The following RARB variants were observed in gnomAD, a reference collection of about 807,000 sequenced individuals.
RARB encodes retinoic acid receptor beta, also known as HBV-activated protein.
RARB carries 17 observed loss-of-function variants against 51.9 expected under a neutral mutation model. The observed-to-expected ratio is 0.33, with a 90% CI of 0.22 to 0.49. RARB has a LOEUF of 0.49. RARB is among the 20% of genes least tolerant of loss of function. The probability of loss-of-function intolerance (pLI) is 0.99; values close to 1 mark genes in which losing one functional copy is unlikely to be tolerated. For synonymous variants in RARB, 215 were observed against 195.4 expected (o/e 1.10, Z -0.84); for missense variants, 369 against 550.8 (o/e 0.67, Z 3.30).
intron 3 of RARB, among the ~76,000 whole-genome samples, chr3:25,525,494 A>G (rs954739637): frequency 6.6e-6 from 1 of 152,188 alleles, no homozygotes; most frequent in African/African-American, 2.4e-5. Flanking sequence ...CTTCGGGCTC[A>G]TGCCTTCATG....
At chr3:25,551,846 A>G (rs1699863678) in intron 3 of RARB, among the ~76,000 whole-genome samples, 1 of 152,202 alleles carries the variant, frequency 6.6e-6, no homozygotes, top group Non-Finnish European at 1.5e-5. Context: ...TTCTCAATCA[A>G]GCCTTCAATC....
chr3:25,304,379 C>G (rs941381326), intron 5 of RARB, among the ~76,000 whole-genome samples: 1 of 152,184 alleles, frequency 6.6e-6, no homozygotes, highest in African/African-American at 2.4e-5. Context: ...GCTGATGATC[C>G]CAAATCTTCC....
intron 5 of RARB, among the ~76,000 whole-genome samples, chr3:25,246,686 T>C (rs547871219): frequency 6.6e-6 from 1 of 152,242 alleles, no homozygotes; most frequent in East Asian, 1.9e-4. Flanking sequence ...TGCTCCTCCC[T>C]CTGGAAGTTT....
chr3:25,140,159 C>T (rs1308456021), intron 4 of RARB, among the ~76,000 whole-genome samples: 1 of 151,892 alleles, frequency 6.6e-6, no homozygotes, highest in Non-Finnish European at 1.5e-5. Flanking sequence ...GAAGTAACTT[C>T]AACTTTTAGG....
At position 25,195,226 on chromosome 3, in the gene RARB, C is replaced by G. The variant is rs543155383; in HGVS notation, c.178+20651C>G. 1.1e-3 allele frequency among the ~76,000 whole-genome samples: 169 copies of G among 151,926 alleles called. 1 individual carries two copies. Among genetic ancestry groups the G allele is most frequent in the Non-Finnish European group, 2.1e-3 (143 of 67,906 alleles). On this transcript the variant is annotated intron_variant, in intron 5 of 11. Transcript: ENST00000383772. ...CCAAACAGTTTCACCTGAAGATATCCATTTCTTGGGAGCCTACCAATTCCT... is the reference window on the plus strand; with the variant it reads ...CCAAACAGTTTCACCTGAAGATATCGATTTCTTGGGAGCCTACCAATTCCT...
At chr3:25,124,830 A>C (rs1283434973) in intron 3 of RARB, among the ~76,000 whole-genome samples, 1 of 152,194 alleles carries the variant, frequency 6.6e-6, no homozygotes, top group African/African-American at 2.4e-5. Flanking sequence ...TGTTGTAGAC[A>C]CTATACCATT....
intron 5 of RARB, among the ~76,000 whole-genome samples, chr3:25,293,596 TTA>T (rs1491457717): frequency 1.3e-4 from 3 of 23,650 alleles, no homozygotes; most frequent in African/African-American, 2.8e-4. Flanking sequence ...GTTACTCCAT[TTA>T]AAAAAAAAAA....
chr3:24,909,396 C>A (rs1172225606), intron 2 of RARB, among the ~76,000 whole-genome samples: 1 of 152,120 alleles, frequency 6.6e-6, no homozygotes, highest in East Asian at 1.9e-4. Context: ...TTGGTGCTCT[C>A]CAGCACATTA....
At chr3:24,897,759 T>G (rs1362495240) in intron 2 of RARB, among the ~76,000 whole-genome samples, 1 of 151,708 alleles carries the variant, frequency 6.6e-6, no homozygotes, top group Non-Finnish European at 1.5e-5. Flanking sequence ...AGGCTTTTTT[T>G]TTTTTTCTTA....
intron 1 of RARB, among the ~76,000 whole-genome samples, chr3:24,829,522 G>C (rs1003143262): frequency 3.3e-5 from 5 of 152,178 alleles, no homozygotes; most frequent in Non-Finnish European, 7.4e-5. Context: ...TGGCATCCAG[G>C]GACCGGCTGC....
intron 2 of RARB, among the ~76,000 whole-genome samples, chr3:25,479,190 T>C: frequency 6.6e-6 from 1 of 152,202 alleles, no homozygotes. Flanking sequence ...ATGTGAATTT[T>C]CGTGAAGTAC....
intron 1 of RARB, among the ~76,000 whole-genome samples, chr3:25,440,767 C>T (rs1007551907): frequency 2.0e-5 from 3 of 151,674 alleles, no homozygotes; most frequent in African/African-American, 7.3e-5. Flanking sequence ...AGTAAGACAC[C>T]GTCCCCCCCA....
chr3:25,317,607 A>C (rs1005115646), intron 5 of RARB, among the ~76,000 whole-genome samples: 4 of 152,170 alleles, frequency 2.6e-5, no homozygotes, highest in Non-Finnish European at 4.4e-5. Flanking sequence ...ATCCATGACT[A>C]AGTGGAAGGA....
At chr3:25,585,598 C>G (rs190531630) in intron 5 of RARB, among the ~76,000 whole-genome samples, 3 of 152,314 alleles carry the variant, frequency 2.0e-5, no homozygotes, top group African/African-American at 7.2e-5. Flanking sequence ...GCCCCGTGGG[C>G]AAATGATGGG....
intron 3 of RARB, among the ~76,000 whole-genome samples, chr3:25,523,729 C>G (rs1053178146): frequency 1.3e-5 from 2 of 152,170 alleles, no homozygotes; most frequent in African/African-American, 2.4e-5. Flanking sequence ...AAATAGCTTT[C>G]TTCTTATTTT....
intron 2 of RARB, among the ~76,000 whole-genome samples, chr3:24,901,888 C>A (rs1020990855): frequency 9.2e-5 from 14 of 151,948 alleles, no homozygotes; most frequent in African/African-American, 2.9e-4. Flanking sequence ...ATATATATAA[C>A]GTTAATAATA....
chr3:25,051,658 T>C (rs986823310), intron 2 of RARB, among the ~76,000 whole-genome samples: 4 of 152,100 alleles, frequency 2.6e-5, no homozygotes, highest in East Asian at 1.9e-4. Context: ...AGCTATTAGA[T>C]GATAGATAGA....
chr3:25,468,068 GAA>G (rs1359695164), intron 2 of RARB, among the ~76,000 whole-genome samples: 2 of 152,184 alleles, frequency 1.3e-5, no homozygotes, highest in Non-Finnish European at 2.9e-5. Context: ...GTCATAGAGA[GAA>G]AGCATTTTAG....
At chr3:25,163,420 G>T (rs1039076326) in intron 4 of RARB, among the ~76,000 whole-genome samples, 1 of 150,480 alleles carries the variant, frequency 6.6e-6, no homozygotes, top group Non-Finnish European at 1.5e-5. Context: ...CAGGAGGATT[G>T]CTTGAGCCTG....
Sources: gnomAD v4.1 joint callset for allele counts (sites outside exome capture counted in the v4.1 genomes callset) on GRCh38, gnomAD v4.1.1 for gene constraint, MANE v1.5 for transcripts, NCBI Gene and HGNC (gene_info 2026-07-23, HGNC 2026-07-21) for gene names.